CDH18: variants seen among roughly 807,000 people sequenced by gnomAD.
CDH18 encodes cadherin 18, also known as cadherin-18.
In CDH18, 31 loss-of-function variants were observed where a neutral mutation model predicts 67.9. The ratio of observed to expected loss-of-function variants is 0.46; its 90% CI spans 0.34 to 0.62. The LOEUF is 0.62. CDH18 is among the 20% of genes least tolerant of loss of function. The pLI is 0.01. For missense variants in CDH18, 890 were observed against 975.5 expected (o/e 0.91, Z 1.17); for synonymous variants, 362 against 347.2 (o/e 1.04, Z -0.48).
At chr5:19,738,959 A>T (rs1296744744) in intron 4 of CDH18, among the ~76,000 whole-genome samples, 1 of 152,208 alleles carries the variant, frequency 6.6e-6, no homozygotes, top group African/African-American at 2.4e-5. Flanking sequence ...GTAAAATGCA[A>T]TCTAGTAAAT....
chr5:19,582,587 T>A (rs1453257797), intron 7 of CDH18, among the ~76,000 whole-genome samples: 1 of 152,062 alleles, frequency 6.6e-6, no homozygotes, highest in Non-Finnish European at 1.5e-5. Context: ...TTTTCAGACT[T>A]TAGAACCTTA....
At chr5:20,328,711 C>A (rs1259019020) in intron 1 of CDH18, among the ~76,000 whole-genome samples, 1 of 152,206 alleles carries the variant, frequency 6.6e-6, no homozygotes, top group East Asian at 1.9e-4. Flanking sequence ...ATTCCCATAC[C>A]GGGTCAGGCA....
intron 1 of CDH18, among the ~76,000 whole-genome samples, chr5:20,371,036 C>CAAAAAAAAAAAAAAA (rs879271018): frequency 1.1e-4 from 14 of 129,198 alleles, no homozygotes; most frequent in African/African-American, 3.5e-4. Context: ...GACTCTGTCT[C>CAAAAAAAAAAAAAAA]AAAAAAAAAA....
At chr5:19,586,433 C>G (rs2150005883) in intron 7 of CDH18, among the ~76,000 whole-genome samples, 1 of 152,154 alleles carries the variant, frequency 6.6e-6, no homozygotes, top group South Asian at 2.1e-4. Context: ...CATTTAGCTC[C>G]CACTTATAAG....
intron 1 of CDH18, among the ~76,000 whole-genome samples, chr5:20,280,953 G>A (rs1746212537): frequency 6.6e-6 from 1 of 152,112 alleles, no homozygotes. Context: ...TTTCTCTGAT[G>A]GCCAGTGATG....
At chr5:19,911,839 T>A (rs1462510894) in intron 2 of CDH18, among the ~76,000 whole-genome samples, 1 of 151,988 alleles carries the variant, frequency 6.6e-6, no homozygotes, top group Non-Finnish European at 1.5e-5. Context: ...GAATAGGGAG[T>A]GAGTTTCAAA....
At chr5:19,849,191 C>T (rs1439348708) in intron 2 of CDH18, among the ~76,000 whole-genome samples, 1 of 151,980 alleles carries the variant, frequency 6.6e-6, no homozygotes, top group Non-Finnish European at 1.5e-5. Context: ...CTAGTCTCAG[C>T]TCAGTGGAAT....
intron 2 of CDH18, among the ~76,000 whole-genome samples, chr5:20,001,924 C>T (rs1736474652): frequency 6.6e-6 from 1 of 152,108 alleles, no homozygotes; most frequent in African/African-American, 2.4e-5. Flanking sequence ...ACATAGGCCT[C>T]AAGTCATTTT....
At chr5:19,475,650 C>T (rs1489406947) in intron 12 of CDH18, among the ~76,000 whole-genome samples, 1 of 151,798 alleles carries the variant, frequency 6.6e-6, no homozygotes, top group East Asian at 1.9e-4. Context: ...TGCATATGTT[C>T]CAAATATTAT....
intron 2 of CDH18, among the ~76,000 whole-genome samples, chr5:20,169,221 C>A (rs570354817): frequency 4.5e-4 from 68 of 152,092 alleles, no homozygotes; most frequent in African/African-American, 1.5e-3. Flanking sequence ...ATATCTCATG[C>A]CTGTATCAAT....
rs531921758 is a variant in CDH18 at position 19,616,039 on chromosome 5, G to A, written c.644-3438C>T. On this transcript the variant is annotated intron_variant, in intron 5 of 12. Coordinates refer to ENST00000382275, the MANE Select transcript of CDH18 (RefSeq NM_004934.5). ...AAACACAAATTTTCAACTCATTTGG[G>A]TAAACACAAATAAGTGTGGTTTCTG... Among the ~76,000 whole-genome samples, 4 of 152,188 alleles carry A rather than the reference G, an allele frequency of 2.6e-5. No homozygotes were observed. In the South Asian group the frequency reaches 8.3e-4, roughly 31 times the overall value.
At chr5:20,396,312 C>T (rs1245448027) in intron 1 of CDH18, among the ~76,000 whole-genome samples, 1 of 151,928 alleles carries the variant, frequency 6.6e-6, no homozygotes, top group Non-Finnish European at 1.5e-5. Flanking sequence ...GGGAAAATAA[C>T]CCCACACATC....
chr5:19,982,648 T>C (rs1799172572), intron 1 of CDH18, among the ~76,000 whole-genome samples: 1 of 152,176 alleles, frequency 6.6e-6, no homozygotes, highest in Admixed American at 6.5e-5. Context: ...AAATTGCTTT[T>C]TAAAATCGAT....
chr5:19,568,206 A>C (rs1410086480), intron 8 of CDH18, among the ~76,000 whole-genome samples: 1 of 152,086 alleles, frequency 6.6e-6, no homozygotes, highest in Non-Finnish European at 1.5e-5. Context: ...GATGCCAGTA[A>C]CACCCTACCT....
At chr5:19,957,083 T>C (rs956434849) in intron 2 of CDH18, among the ~76,000 whole-genome samples, 1 of 151,974 alleles carries the variant, frequency 6.6e-6, no homozygotes, top group African/African-American at 2.4e-5. Context: ...CTCAGTTTAG[T>C]AAAGTGCTGC....
chr5:19,741,191 TATATATGTATATATGTC>T lies in CDH18; in HGVS notation c.523+5734_523+5750del, dbSNP rs1412853734. ...TATATATGTATATATGTCATCTATG[TATATATGTATATATGTC>T]ATATATGTATATATACATGTATATA... is the stretch of plus-strand genomic sequence containing the variant. On this transcript the variant is annotated intron_variant, in intron 4 of 12. Coordinates refer to ENST00000382275, the MANE Select transcript of CDH18 (RefSeq NM_004934.5). Among the ~76,000 whole-genome samples the T allele has an allele frequency of 9.5e-4, 143 of 149,766 alleles. 1 individual carries two copies. Among genetic ancestry groups the T allele is most frequent in the African/African-American group, 2.9e-3 (119 of 41,062 alleles).
In CDH18 at chr5:19,554,846, AATT is replaced by A. The variant is rs752479780; in HGVS notation, c.1254-10844_1254-10842del. Among the ~76,000 whole-genome samples, 3 of 152,134 alleles carry A rather than the reference AATT, an allele frequency of 2.0e-5. No homozygotes were observed. In the South Asian group the frequency reaches 6.2e-4, roughly 31 times the overall value. ...AGTGACCACATTCTTGTCCAGTGTC[AATT>A]ATTAATTAATAATTTAATTATTTTA... is the stretch of plus-strand genomic sequence containing the variant. On this transcript the variant is annotated intron_variant, in intron 8 of 12. Transcript: ENST00000382275.
At chr5:20,409,303 A>T (rs566792871) in intron 1 of CDH18, among the ~76,000 whole-genome samples, 6 of 152,018 alleles carry the variant, frequency 3.9e-5, no homozygotes, top group East Asian at 1.9e-4. Flanking sequence ...ATTTAATAAG[A>T]TTGATATCAA....
intron 1 of CDH18, among the ~76,000 whole-genome samples, chr5:20,312,498 A>G (rs1393559263): frequency 6.6e-6 from 1 of 152,158 alleles, no homozygotes; most frequent in African/African-American, 2.4e-5. Context: ...TGAAGAAATG[A>G]TGATTTGCTC....
Sources: allele counts gnomAD v4.1 joint callset (sites outside exome capture counted in the v4.1 genomes callset), GRCh38; gene constraint gnomAD v4.1.1; transcripts MANE v1.5; gene names NCBI Gene and HGNC (gene_info 2026-07-23, HGNC 2026-07-21).